Variants in TGM2 observed in about 807,000 individuals in gnomAD.
TGM2 encodes the protein transglutaminase 2.
TGM2 carries 53 observed loss-of-function variants against 75.6 expected under a neutral mutation model. The observed-to-expected ratio is 0.70, with a 90% CI of 0.56 to 0.88. TGM2 has a LOEUF of 0.88. Ranked by LOEUF, TGM2 falls within the 40% of genes least tolerant of loss-of-function variation. TGM2 has a pLI of 0.00. For synonymous variants in TGM2, 374 were observed against 381.1 expected, an observed-to-expected ratio of 0.98 and a Z score of 0.22; for missense variants, 842 against 928.5, an observed-to-expected ratio of 0.91 and a Z score of 1.21.
At chr20:38,164,137 A>G (rs889345414) in intron 1 of TGM2, among the ~76,000 whole-genome samples, 3 of 151,210 alleles carry the variant, frequency 2.0e-5, no homozygotes, top group Non-Finnish European at 4.4e-5. Flanking sequence ...GAGAAGATGC[A>G]TTGAGGACAA....
chr20:38,143,848 C>T lies in TGM2; in HGVS notation c.860-1649G>A, dbSNP rs45589537. Among the ~76,000 whole-genome samples, 393 of 152,244 alleles carry T rather than the reference C, an allele frequency of 2.6e-3. 1 individual carries two copies. The highest frequency in any genetic ancestry group is 9.1e-3 in the African/African-American group (378 of 41,522). On this transcript the variant is annotated intron_variant, in intron 6 of 12. Transcript: ENST00000361475. ...GGGGGAGAAGGGATGCGACCTTTGCCCTGGGGCCACCATCGATAGGCCAGG... is the reference window on the plus strand; with the variant it reads ...GGGGGAGAAGGGATGCGACCTTTGCTCTGGGGCCACCATCGATAGGCCAGG...
Position 38,156,077 on chromosome 20 carries a change from C to A in TGM2, c.203G>T (p.Ser68Ile), listed in dbSNP as rs181404288. The A allele has an allele frequency of 1.2e-6, 2 of 1,613,138 alleles. No homozygotes were observed. Among genetic ancestry groups the A allele is most frequent in the East Asian group, 2.2e-5 (1 of 44,884 alleles). Reference protein sequence around the residue: ...TFSVVTGPAPSQEAGTKARFP... With the variant: ...TFSVVTGPAPIQEAGTKARFP... Reference sequence around the variant, plus strand: ...ACGGGCCTTGGTCCCGGCCTCCTGGCTAGGGGCTGGGCCTGTGGAGGGAGA... The same window carrying A: ...ACGGGCCTTGGTCCCGGCCTCCTGGATAGGGGCTGGGCCTGTGGAGGGAGA... Residue 68 changes from serine to isoleucine, a missense_variant, in exon 3 of 13, where the codon AGC becomes ATC. Transcript: ENST00000361475.
chr20:38,138,190 G>C lies in TGM2; in HGVS notation c.1538C>G (p.Thr513Ser). ...YVCRLLLCARTVSYNGILGPE... is the reference protein window; with the variant it reads ...YVCRLLLCARSVSYNGILGPE... ...CCCCAAGATCCCATTGTAGCTGACG[G>C]TGCGGGCACAGAGCAGGAGGCGGCA... The change falls in exon 10 of 13, where the codon ACC becomes AGC. Residue 513 changes from threonine (T) to serine (S), a missense_variant. Coordinates refer to ENST00000361475, the MANE Select transcript of TGM2 (RefSeq NM_004613.4). 6.2e-7 allele frequency: 1 copy of C among 1,608,936 alleles called. No individual in the cohort carries two copies. Among genetic ancestry groups the C allele is most frequent in the Non-Finnish European group, 8.5e-7 (1 of 1,177,674 alleles).
At chr20:38,145,251 C>T (rs1025376233) in intron 6 of TGM2, 4 of 152,186 alleles carry the variant, frequency 2.6e-5, no homozygotes, top group African/African-American at 9.7e-5. Context: ...GCACCCTTTC[C>T]TGGGCCTTAG....
chr20:38,165,671 AACACACACACAC>A (rs71833660), upstream of TGM2, among the ~76,000 whole-genome samples: 154 of 143,320 alleles, frequency 1.1e-3, no homozygotes, highest in African/African-American at 4.0e-3. Flanking sequence ...CCCCACCCCC[AACACACACACAC>A]ACACACACAC....
At chr20:38,157,010 C>G (rs2075196324) in intron 2 of TGM2, among the ~76,000 whole-genome samples, 1 of 152,240 alleles carries the variant, frequency 6.6e-6, no homozygotes, top group African/African-American at 2.4e-5. Context: ...GGCCCGCCCC[C>G]ACAGGCAGGT....
At chr20:38,150,332 C>G (rs1246462893) in intron 4 of TGM2, among the ~76,000 whole-genome samples, 1 of 152,144 alleles carries the variant, frequency 6.6e-6, no homozygotes, top group East Asian at 1.9e-4. Flanking sequence ...CATGGCTGAC[C>G]CACAGACTTG....
intron 10 of TGM2, chr20:38,132,772 C>G (rs781510699): frequency 1.6e-5 from 9 of 547,150 alleles, no homozygotes; most frequent in South Asian, 1.4e-4. Context: ...GGTGACCCCG[C>G]GTGAGCCACT....
At chr20:38,156,118 C>G in intron 2 of TGM2, 29 bp from the exon 3 acceptor site, 1 of 1,606,228 alleles carries the variant, frequency 6.2e-7, no homozygotes, top group Non-Finnish European at 8.5e-7. Flanking sequence ...TAGCCGTGAG[C>G]TAGGGGTAGC....
upstream of TGM2, among the ~76,000 whole-genome samples, chr20:38,167,088 T>C (rs749367159): frequency 2.6e-5 from 4 of 152,162 alleles, no homozygotes; most frequent in African/African-American, 4.8e-5. Flanking sequence ...GGGTGCCTTA[T>C]ACGTGGTGAG....
intron 10 of TGM2, among the ~76,000 whole-genome samples, chr20:38,134,203 G>A (rs1240603000): frequency 6.6e-6 from 1 of 152,140 alleles, no homozygotes; most frequent in East Asian, 1.9e-4. Flanking sequence ...GAACACTGGT[G>A]GTCTGCGTCC....
In TGM2 at chr20:38,129,903, A is replaced by G. The variant is rs1344022621; in HGVS notation, c.*316T>C. On this transcript the variant is annotated 3_prime_UTR_variant, in exon 13 of 13. Transcript: ENST00000361475. ...GATCAAACAATATGGTGGGTGGTCA[A>G]TGGCTTTCCAAAGGGCATCTGGGCA... 3 of 410,670 alleles carry G rather than the reference A, an allele frequency of 7.3e-6. No individual in the cohort carries two copies. The highest frequency in any genetic ancestry group is 1.4e-5 in the Non-Finnish European group (3 of 221,396). The allele number at this position is 410,670 out of a possible 1,614,324, so 25.4% of individuals were successfully genotyped here. A position where few individuals can be genotyped will look rare whatever the true frequency, so the allele number is the denominator to read the frequency against.
chr20:38,141,204 G>A (rs1600490856), intron 8 of TGM2, 78 bp downstream of exon 8: 21 of 1,241,792 alleles, frequency 1.7e-5, no homozygotes, highest in Admixed American at 1.2e-4. Context: ...TAGTTCTGCC[G>A]CCCTCCAGCT....
chr20:38,135,499 A>T (rs2074888910), intron 10 of TGM2, among the ~76,000 whole-genome samples: 1 of 151,948 alleles, frequency 6.6e-6, no homozygotes, highest in Admixed American at 6.6e-5. Context: ...CTTTGTGTGA[A>T]TGGGGAACCC....
intron 2 of TGM2, among the ~76,000 whole-genome samples, 198 bp from the exon 3 acceptor site, chr20:38,156,287 G>C (rs772081219): frequency 6.6e-6 from 1 of 152,252 alleles, no homozygotes. Flanking sequence ...GCCTTTTAGG[G>C]TGGTTTTGTG....
upstream of TGM2, chr20:38,166,511 G>C (rs1453999254): frequency 6.6e-6 from 1 of 152,226 alleles, no homozygotes; most frequent in Non-Finnish European, 1.5e-5. Context: ...TCCACTGTGA[G>C]CCCTGAGCGG....
intron 10 of TGM2, among the ~76,000 whole-genome samples, chr20:38,135,844 T>C (rs1383624889): frequency 6.6e-6 from 1 of 152,166 alleles, no homozygotes; most frequent in Non-Finnish European, 1.5e-5. Flanking sequence ...GTGCTGGTGC[T>C]GCTGTGCCCT....
intron 4 of TGM2, among the ~76,000 whole-genome samples, chr20:38,149,916 C>G (rs1600504957): frequency 1.3e-5 from 2 of 152,202 alleles, no homozygotes; most frequent in Non-Finnish European, 2.9e-5. Context: ...AAACTTTGGT[C>G]AAAGCCTGAG....
chr20:38,155,081 A>G (rs6023525), intron 3 of TGM2, among the ~76,000 whole-genome samples: 33,350 of 152,050 alleles, frequency 0.22, 4,695 homozygotes, highest in African/African-American at 0.4. Flanking sequence ...ACTCCAGCCC[A>G]GGCAACAAGA....
Sources: allele counts gnomAD v4.1 joint callset (sites outside exome capture counted in the v4.1 genomes callset), GRCh38; gene constraint gnomAD v4.1.1; transcripts MANE v1.5; gene names NCBI Gene and HGNC (gene_info 2026-07-23, HGNC 2026-07-21).